Variants in SV2B observed in about 807,000 individuals in gnomAD.
The protein encoded by SV2B is synaptic vesicle glycoprotein 2B, also known as solute carrier family 22 member B2.
SV2B carries 41 observed loss-of-function variants against 73.9 expected under a neutral mutation model. The ratio of observed to expected loss-of-function variants is 0.56; its 90% CI spans 0.43 to 0.72. SV2B has a LOEUF of 0.72. Among genes scored for constraint, SV2B ranks in the 30% least tolerant of loss-of-function variants. The probability of loss-of-function intolerance (pLI) is 0.00; values close to 1 mark genes in which losing one functional copy is unlikely to be tolerated. For missense variants in SV2B, 764 were observed against 857.8 expected (o/e 0.89, Z 1.37); for synonymous variants, 314 against 314.2 (o/e 1.00, Z 0.01).
At chr15:91,266,286 T>C (rs896136916) in intron 6 of SV2B, among the ~76,000 whole-genome samples, 1 of 152,188 alleles carries the variant, frequency 6.6e-6, no homozygotes, top group Non-Finnish European at 1.5e-5. Flanking sequence ...GGGACTGCTT[T>C]CTCCCCGCGG....
At chr15:91,260,197 C>G (rs1002795236) in intron 5 of SV2B, 123 bp from the exon 6 acceptor site, 11 of 821,728 alleles carry the variant, frequency 1.3e-5, no homozygotes, top group Non-Finnish European at 1.9e-5. Flanking sequence ...GTGCAATTGC[C>G]TCAGACCTGC....
rs1479737298 is a variant in SV2B, at chr15:91,121,640, T to C, written c.-392+21277T>C. Among the ~76,000 whole-genome samples the C allele has an allele frequency of 6.6e-6, 1 of 152,172 alleles. No homozygotes were observed. Among genetic ancestry groups the C allele is most frequent in the Non-Finnish European group, 1.5e-5 (1 of 68,038 alleles). On this transcript the variant is annotated intron_variant, in intron 1 of 12. Coordinates refer to ENST00000394232, the MANE Select transcript of SV2B (RefSeq NM_001323032.3). This position sits in a 1 kb window ranked among gnomAD's most constrained non-coding sequence, Gnocchi z 4.4. The stretch of plus-strand genomic sequence containing the variant: ...GAAGAAAGCAGAGTTGGCTTAGAGA[T>C]GAATGCAAATAAGATCTGAACACCA...
At chr15:91,228,260 G>A (rs1195362966) in intron 2 of SV2B, among the ~76,000 whole-genome samples, 1 of 151,934 alleles carries the variant, frequency 6.6e-6, no homozygotes, top group Non-Finnish European at 1.5e-5. Flanking sequence ...CAGAAGAAAG[G>A]GCTTGAGAAG....
At position 91,283,346 on chromosome 15, in the gene SV2B, T is replaced by G. The variant is rs931309016; in HGVS notation, c.1508-675T>G. On this transcript the variant is annotated intron_variant, in intron 10 of 12. Transcript: ENST00000394232. This position sits in a 1 kb window ranked among gnomAD's most constrained non-coding sequence, Gnocchi z 4.3. The stretch of plus-strand genomic sequence containing the variant: ...TTGTGTTCTGCTCCCCTATGCCAGG[T>G]AGCCTCCAAGGAGAGGCCTAGCTGC... Among the ~76,000 whole-genome samples the G allele has an allele frequency of 2.6e-5, 4 of 152,198 alleles. No homozygotes were observed. The highest frequency in any genetic ancestry group is 7.2e-5 in the African/African-American group (3 of 41,442).
intron 9 of SV2B, among the ~76,000 whole-genome samples, chr15:91,276,193 T>A (rs2048481306): frequency 6.6e-6 from 1 of 151,990 alleles, no homozygotes; most frequent in Admixed American, 6.6e-5. Context: ...TAACATGATT[T>A]TTTTTCTTTT....
intron 9 of SV2B, among the ~76,000 whole-genome samples, chr15:91,279,247 G>A (rs2048605088): frequency 6.6e-6 from 1 of 152,128 alleles, no homozygotes; most frequent in Non-Finnish European, 1.5e-5. Flanking sequence ...TCTTTAATTA[G>A]ACTGAATTTC....
intron 5 of SV2B, among the ~76,000 whole-genome samples, chr15:91,259,109 T>TAAAA (rs151113868): frequency 4.0e-5 from 6 of 150,590 alleles, no homozygotes; most frequent in African/African-American, 1.5e-4. Context: ...AAAATAAAAA[T>TAAAA]ATAAATAAAT....
chr15:91,196,962 C>A (rs1334079171), intron 1 of SV2B, among the ~76,000 whole-genome samples: 1 of 152,198 alleles, frequency 6.6e-6, no homozygotes, highest in Non-Finnish European at 1.5e-5. Flanking sequence ...ACAGACACTT[C>A]ACAAACAGCA....
At chr15:91,276,401 A>G (rs2048489014) in intron 9 of SV2B, among the ~76,000 whole-genome samples, 1 of 152,068 alleles carries the variant, frequency 6.6e-6, no homozygotes, top group South Asian at 2.1e-4. Context: ...GTCTTTCCAA[A>G]TACTTCTTCT....
intron 1 of SV2B, among the ~76,000 whole-genome samples, chr15:91,175,952 A>G (rs1431103285): frequency 1.3e-5 from 2 of 151,752 alleles, no homozygotes; most frequent in African/African-American, 2.4e-5. Context: ...GGTTAGTTAC[A>G]TATGTATACA....
At chr15:91,119,716 T>C (rs879335323) in intron 1 of SV2B, among the ~76,000 whole-genome samples, 4 of 152,270 alleles carry the variant, frequency 2.6e-5, no homozygotes, top group African/African-American at 4.8e-5. Flanking sequence ...CAGCTAGCAC[T>C]ATGCATGTGC....
rs1371300696 is a variant in SV2B, at chr15:91,298,746, G to C, written c.*6194G>C. 1.3e-5 allele frequency: 2 copies of C among 152,226 alleles called. No individual in the cohort carries two copies. The highest frequency in any genetic ancestry group is 1.3e-4 in the Admixed American group (2 of 15,298). The allele number at this position is 152,226 out of a possible 1,614,324, so 9.4% of individuals were successfully genotyped here. On this transcript the variant is annotated 3_prime_UTR_variant, in exon 13 of 13. Coordinates refer to ENST00000394232, the MANE Select transcript of SV2B (RefSeq NM_001323032.3). The surrounding 1 kb of genome is among the most constrained non-coding windows in gnomAD (Gnocchi z 5.4). ...GAGACCATTAATATGTATTCCTTTAGAAAGCAAAGGTCTTTCAGAAGCTGT... is the reference window on the plus strand; with the variant it reads ...GAGACCATTAATATGTATTCCTTTACAAAGCAAAGGTCTTTCAGAAGCTGT...
In SV2B at chr15:91,158,633, CCTCTTCTCTTCTCTTCTCTT is replaced by C. The variant is rs368190783; in HGVS notation, c.-392+58320_-392+58339del. On this transcript the variant is annotated intron_variant, in intron 1 of 12. Transcript: ENST00000394232. ...AAGGGTGGCCTTTTCTTTTATTTTCCCTCTTCTCTTCTCTTCTCTTCTCTTCTCTTCTCTTCTCTTCTCTT... is the reference window on the plus strand; with the variant it reads ...AAGGGTGGCCTTTTCTTTTATTTTCCCTCTTCTCTTCTCTTCTCTTCTCTT... Among the ~76,000 whole-genome samples the C allele has an allele frequency of 2.9e-3, 158 of 54,472 alleles. 3 individuals are homozygous for C. The highest frequency in any genetic ancestry group is 3.2e-3 in the Admixed American group (17 of 5,300). 35.7% of individuals were successfully genotyped at this position (54,472 alleles called of 152,430 possible).
chr15:91,134,398 C>T (rs993424899), intron 1 of SV2B, among the ~76,000 whole-genome samples: 1 of 152,098 alleles, frequency 6.6e-6, no homozygotes, highest in African/African-American at 2.4e-5. Flanking sequence ...CATTCAAGAC[C>T]GCTGGGATTC....
At chr15:91,230,997 G>A (rs1434159539) in intron 2 of SV2B, among the ~76,000 whole-genome samples, 1 of 152,144 alleles carries the variant, frequency 6.6e-6, no homozygotes, top group African/African-American at 2.4e-5. Flanking sequence ...ATTAATGATT[G>A]TGTGACCTTG....
At chr15:91,217,750 GATGGCTAGAC>G (rs927057096) in intron 1 of SV2B, among the ~76,000 whole-genome samples, 5 of 152,236 alleles carry the variant, frequency 3.3e-5, no homozygotes, top group African/African-American at 9.6e-5. Context: ...TATTGAGTCA[GATGGCTAGAC>G]ACGGTCTTAG....
At position 91,123,869 on chromosome 15, in the gene SV2B, C is replaced by G. The variant is rs553343907; in HGVS notation, c.-392+23506C>G. On this transcript the variant is annotated intron_variant, in intron 1 of 12. Coordinates refer to ENST00000394232, the MANE Select transcript of SV2B (RefSeq NM_001323032.3). This position sits in a 1 kb window ranked among gnomAD's most constrained non-coding sequence, Gnocchi z 4.7. ...CAAGTGATCTCCAGGGGAGATGACC[C>G]TGGGCTCTAAGCACACTTGGTCTGT... 1.3e-5 allele frequency among the ~76,000 whole-genome samples: 2 copies of G among 152,240 alleles called. No homozygotes were observed. The highest frequency in any genetic ancestry group is 1.9e-4 in the East Asian group (1 of 5,180).
rs146531730 is a variant in SV2B, at chr15:91,194,514, G to C, written c.-391-31359G>C. Among the ~76,000 whole-genome samples the C allele has an allele frequency of 2.0e-5, 3 of 152,294 alleles. No individual in the cohort carries two copies. The East Asian group carries it at 5.8e-4, about 29-fold the overall frequency. Reference sequence around the variant, plus strand: ...CCAGGAGTGGATTTGCAGAGTCTTAGATATACGTATGTTTAGATTATCTCG... The same window carrying C: ...CCAGGAGTGGATTTGCAGAGTCTTACATATACGTATGTTTAGATTATCTCG... On this transcript the variant is annotated intron_variant, in intron 1 of 12. Transcript: ENST00000394232.
intron 1 of SV2B, among the ~76,000 whole-genome samples, chr15:91,188,720 C>T (rs567008477): frequency 2.0e-5 from 3 of 152,076 alleles, no homozygotes; most frequent in Non-Finnish European, 4.4e-5. Flanking sequence ...ATTTTTATGC[C>T]CCATCAAGTA....
Sources: allele counts gnomAD v4.1 joint callset (sites outside exome capture counted in the v4.1 genomes callset), GRCh38; gene constraint gnomAD v4.1.1; non-coding constraint Gnocchi (gnomAD v3.1); transcripts MANE v1.5; gene names NCBI Gene and HGNC (gene_info 2026-07-23, HGNC 2026-07-21).